The following ZFAND3 variants were observed in gnomAD, a reference collection of about 807,000 sequenced individuals.
ZFAND3 encodes the protein AN1-type zinc finger protein 3.
In ZFAND3, 10 loss-of-function variants were observed where a neutral mutation model predicts 29.6. The observed-to-expected ratio is 0.34, with a 90% CI of 0.21 to 0.57. The LOEUF (loss-of-function observed/expected upper bound fraction) is 0.57, where lower values mean the gene tolerates loss of function less well. Ranked by LOEUF, ZFAND3 falls within the 20% of genes least tolerant of loss-of-function variation. ZFAND3 has a pLI of 0.86. For missense variants in ZFAND3, 230 were observed against 304.5 expected, an observed-to-expected ratio of 0.76 and a Z score of 1.82; for synonymous variants, 128 against 112.6, an observed-to-expected ratio of 1.14 and a Z score of -0.87.
intron 1 of ZFAND3, among the ~76,000 whole-genome samples, chr6:37,924,457 G>A (rs1181259264): frequency 4.6e-5 from 7 of 152,064 alleles, no homozygotes; most frequent in Non-Finnish European, 1.0e-4. Context: ...TTCTAGTGGT[G>A]AAAGATAGCA....
intron 2 of ZFAND3, among the ~76,000 whole-genome samples, chr6:37,985,082 A>G (rs997555274): frequency 5.3e-5 from 8 of 152,370 alleles, no homozygotes; most frequent in Non-Finnish European, 1.0e-4. Context: ...ATAAAGATCT[A>G]TAAACTAGGC....
At chr6:38,144,209 A>T (rs1325326000) in intron 5 of ZFAND3, among the ~76,000 whole-genome samples, 4 of 42,732 alleles carry the variant, frequency 9.4e-5, no homozygotes, top group South Asian at 1.0e-3. Flanking sequence ...ATATATATAT[A>T]TAATATATAA....
At chr6:38,087,114 G>T (rs1220940090) in intron 4 of ZFAND3, among the ~76,000 whole-genome samples, 1 of 152,174 alleles carries the variant, frequency 6.6e-6, no homozygotes, top group Non-Finnish European at 1.5e-5. Flanking sequence ...AATAAATGGT[G>T]CTGGGAAAAC....
intron 1 of ZFAND3, among the ~76,000 whole-genome samples, chr6:37,865,652 T>C (rs1343926960): frequency 6.6e-6 from 1 of 152,152 alleles, no homozygotes; most frequent in Non-Finnish European, 1.5e-5. Flanking sequence ...GTTTGAACAG[T>C]TTGGGTGGAC....
chr6:38,147,801 C>A (rs1766141098), intron 5 of ZFAND3, among the ~76,000 whole-genome samples: 3 of 152,012 alleles, frequency 2.0e-5, no homozygotes, highest in African/African-American at 7.2e-5. Context: ...ATGTCCTTTG[C>A]CAGTTTTTAA....
intron 2 of ZFAND3, among the ~76,000 whole-genome samples, chr6:38,057,021 A>G (rs1244010701): frequency 6.6e-6 from 1 of 152,194 alleles, no homozygotes; most frequent in African/African-American, 2.4e-5. Context: ...AGACCTTTGG[A>G]TATACCATTA....
chr6:37,922,596 A>C (rs1761404225), intron 1 of ZFAND3, among the ~76,000 whole-genome samples: 1 of 152,228 alleles, frequency 6.6e-6, no homozygotes, highest in East Asian at 1.9e-4. Context: ...AATGTTGAAC[A>C]TCATAGAGTG....
intron 1 of ZFAND3, among the ~76,000 whole-genome samples, chr6:37,905,232 C>T (rs572760374): frequency 1.3e-5 from 2 of 152,172 alleles, no homozygotes; most frequent in South Asian, 4.2e-4. Flanking sequence ...GTGGCAATTC[C>T]CAAACTGGGC....
intron 2 of ZFAND3, among the ~76,000 whole-genome samples, chr6:37,972,652 T>C (rs61705055): frequency 0.065 from 9,921 of 152,216 alleles, 392 homozygotes; most frequent in Non-Finnish European, 0.094. Context: ...CCAGGTGCTA[T>C]ACTTTATGCC....
intron 2 of ZFAND3, among the ~76,000 whole-genome samples, chr6:38,014,248 A>T (rs1763213595): frequency 6.6e-6 from 1 of 151,988 alleles, no homozygotes; most frequent in Non-Finnish European, 1.5e-5. Context: ...AGAGAGAGAG[A>T]ATTTGTTAAC....
At chr6:38,144,227 ATATAT>A (rs1562016189) in intron 5 of ZFAND3, among the ~76,000 whole-genome samples, 1,589 of 80,080 alleles carry the variant, frequency 0.02, 48 homozygotes, top group Non-Finnish European at 0.027. Flanking sequence ...TAATATATAT[ATATAT>A]TTTTTTTTTA....
At chr6:37,830,611 C>A (rs912641345) in intron 1 of ZFAND3, among the ~76,000 whole-genome samples, 13 of 152,194 alleles carry the variant, frequency 8.5e-5, no homozygotes, top group African/African-American at 2.9e-4. Context: ...ACCATAGATA[C>A]CTTCTTAGCC....
In ZFAND3 at chr6:38,013,739, A is replaced by C. The variant is rs200858088; in HGVS notation, c.113-47854A>C. Among the ~76,000 whole-genome samples, 2,508 of 149,140 alleles carry C rather than the reference A, an allele frequency of 0.017. 224 individuals are homozygous for C. In the East Asian group the frequency reaches 0.27, roughly 16 times the overall value. ...AAAACTGGAGAGTTAAAAAAAAAAC[A>C]AAAAAAACCTCCAATGTCCAGGTTA... is the stretch of plus-strand genomic sequence containing the variant. On this transcript the variant is annotated intron_variant, in intron 2 of 5. Transcript: ENST00000287218.
chr6:38,117,435 C>G (rs1481353263), intron 5 of ZFAND3, among the ~76,000 whole-genome samples: 1 of 151,968 alleles, frequency 6.6e-6, no homozygotes, highest in Non-Finnish European at 1.5e-5. Context: ...GGATGCCTAC[C>G]CACAGTGGAA....
At chr6:38,008,451 T>G (rs1561964392) in intron 2 of ZFAND3, among the ~76,000 whole-genome samples, 1 of 152,202 alleles carries the variant, frequency 6.6e-6, no homozygotes. Flanking sequence ...GGCCAAATGC[T>G]TAAGAAGTGA....
chr6:37,968,989 T>G (rs1000377372), intron 2 of ZFAND3, among the ~76,000 whole-genome samples: 1 of 152,152 alleles, frequency 6.6e-6, no homozygotes, highest in Non-Finnish European at 1.5e-5. Flanking sequence ...CTTCCTAGAG[T>G]GAACTTCCAC....
At chr6:37,997,156 A>T (rs1353799273) in intron 2 of ZFAND3, among the ~76,000 whole-genome samples, 1 of 152,240 alleles carries the variant, frequency 6.6e-6, no homozygotes, top group South Asian at 2.1e-4. Flanking sequence ...GTCATTTTGC[A>T]TATAAATAGT....
chr6:37,906,610 T>A lies in ZFAND3; in HGVS notation c.72-23349T>A, dbSNP rs935266547. On this transcript the variant is annotated intron_variant, in intron 1 of 5. Transcript: ENST00000287218. Reference sequence around the variant, plus strand: ...TTTAACTTACTGAGGAAGTCCAAACTGTTTTCCACAGTGGCTGCACCATTT... The same window carrying A: ...TTTAACTTACTGAGGAAGTCCAAACAGTTTTCCACAGTGGCTGCACCATTT... Among the ~76,000 whole-genome samples the A allele has an allele frequency of 7.2e-5, 11 of 152,260 alleles. 1 individual carries two copies. Among genetic ancestry groups the A allele is most frequent in the Admixed American group, 3.3e-4 (5 of 15,256 alleles).
At chr6:37,988,415 T>A (rs1482513788) in intron 2 of ZFAND3, among the ~76,000 whole-genome samples, 1 of 152,232 alleles carries the variant, frequency 6.6e-6, no homozygotes, top group Non-Finnish European at 1.5e-5. Flanking sequence ...TATTGCAAAC[T>A]TTTCCTCATC....
Sources: gnomAD v4.1 joint callset for allele counts (sites outside exome capture counted in the v4.1 genomes callset) on GRCh38, gnomAD v4.1.1 for gene constraint, MANE v1.5 for transcripts, NCBI Gene and HGNC (gene_info 2026-07-23, HGNC 2026-07-21) for gene names.